Variants in MGST1 observed in about 807,000 individuals in gnomAD.
MGST1 encodes the protein glutathione S-transferase 12.
MGST1 carries 5 observed loss-of-function variants against 8.9 expected under a neutral mutation model. The observed-to-expected ratio is 0.56, with a 90% CI of 0.29 to 1.19. MGST1 has a LOEUF of 1.19. Ranked by LOEUF, MGST1 falls within the 50% of genes most tolerant of loss-of-function variation. The probability of loss-of-function intolerance (pLI) is 0.08; values close to 1 mark genes in which losing one functional copy is unlikely to be tolerated. For missense variants in MGST1, 182 were observed against 187.4 expected (o/e 0.97, Z 0.17); for synonymous variants, 54 against 67.8 (o/e 0.80, Z 1.00).
intron 1 of MGST1, among the ~76,000 whole-genome samples, chr12:16,416,967 A>G (rs1940792312): frequency 6.6e-6 from 1 of 152,182 alleles, no homozygotes; most frequent in African/African-American, 2.4e-5. Context: ...TAGCCAGTTA[A>G]AAATGGGCCA....
intron 4 of MGST1, among the ~76,000 whole-genome samples, chr12:16,509,660 A>G (rs1261210038): frequency 6.6e-6 from 1 of 152,188 alleles, no homozygotes; most frequent in Non-Finnish European, 1.5e-5. Flanking sequence ...GTATTTATCC[A>G]TGCCTGAGTG....
intron 4 of MGST1, among the ~76,000 whole-genome samples, chr12:16,486,117 A>G (rs1941397807): frequency 6.6e-6 from 1 of 152,164 alleles, no homozygotes; most frequent in East Asian, 1.9e-4. Flanking sequence ...GACCTCGCTG[A>G]GGCCTTTCCT....
At chr12:16,514,045 G>C in intron 4 of MGST1, 1 of 396,430 alleles carries the variant, frequency 2.5e-6, no homozygotes, top group African/African-American at 2.1e-5. Flanking sequence ...AGTGGACCCT[G>C]GTCCCAAGCA....
Position 16,559,975 on chromosome 12 carries a change from A to G in MGST1, n.483-29553A>G, listed in dbSNP as rs1942333402. Among the ~76,000 whole-genome samples, 1 of 152,038 alleles carries G rather than the reference A, an allele frequency of 6.6e-6. No individual in the cohort carries two copies. ...ACCTTGTATTTAAAAAAGCAAAAAC[A>G]AAAACATGAGGGATAAGGAATTTAA... On this transcript the variant is annotated intron_variant and non_coding_transcript_variant, in intron 4 of 4. Transcript: ENST00000538857. This position sits in a 1 kb window ranked among gnomAD's most constrained non-coding sequence, Gnocchi z 4.1.
chr12:16,579,069 C>T (rs1283383775), intron 4 of MGST1, among the ~76,000 whole-genome samples: 1 of 152,084 alleles, frequency 6.6e-6, no homozygotes, highest in East Asian at 1.9e-4. Flanking sequence ...CAAACACTCT[C>T]TAGAGCTTAG....
chr12:16,381,399 A>T (rs1940453063), downstream of MGST1, among the ~76,000 whole-genome samples: 1 of 152,092 alleles, frequency 6.6e-6, no homozygotes, highest in African/African-American at 2.4e-5. Context: ...TCACTTATGA[A>T]GCTTAGTTTG....
chr12:16,427,174 A>G (rs1449931293), intron 1 of MGST1, among the ~76,000 whole-genome samples: 1 of 152,030 alleles, frequency 6.6e-6, no homozygotes, highest in African/African-American at 2.4e-5. Flanking sequence ...GTTACGAAAA[A>G]CGATTTTAAG....
intron 4 of MGST1, among the ~76,000 whole-genome samples, chr12:16,520,318 CA>C (rs1941640746): frequency 6.6e-6 from 1 of 151,916 alleles, no homozygotes; most frequent in African/African-American, 2.4e-5. Context: ...TCTGAGTGTA[CA>C]AAAAACACTA....
chr12:16,377,194 G>A (rs1591711281), downstream of MGST1: 2 of 151,704 alleles, frequency 1.3e-5, no homozygotes, highest in East Asian at 1.9e-4. Flanking sequence ...TGTGCACAAC[G>A]TGCAGGTTTG....
chr12:16,570,525 TG>T (rs1942780044), intron 4 of MGST1, among the ~76,000 whole-genome samples: 1 of 152,142 alleles, frequency 6.6e-6, no homozygotes, highest in African/African-American at 2.4e-5. Flanking sequence ...TGTGAACAGT[TG>T]GGAAATAATC....
At chr12:16,499,665 C>T (rs1483162275) in intron 4 of MGST1, among the ~76,000 whole-genome samples, 8 of 151,840 alleles carry the variant, frequency 5.3e-5, no homozygotes, top group Admixed American at 5.3e-4. Context: ...CTCTCTACAC[C>T]ATTTGATTCG....
At chr12:16,358,317 T>C (rs1026077560) in intron 3 of MGST1, among the ~76,000 whole-genome samples, 1 of 152,142 alleles carries the variant, frequency 6.6e-6, no homozygotes, top group Non-Finnish European at 1.5e-5. Flanking sequence ...GTCCCCAAAA[T>C]CTATTGTTGC....
intron 4 of MGST1, among the ~76,000 whole-genome samples, chr12:16,535,912 G>C (rs1303341546): frequency 6.6e-6 from 1 of 152,160 alleles, no homozygotes; most frequent in African/African-American, 2.4e-5. Flanking sequence ...CTTATTCAGA[G>C]AACAGTTGAT....
chr12:16,583,699 C>T (rs1943235419), intron 4 of MGST1, among the ~76,000 whole-genome samples: 1 of 152,146 alleles, frequency 6.6e-6, no homozygotes, highest in African/African-American at 2.4e-5. Flanking sequence ...AATGCTTAAC[C>T]ACACTGTAGG....
intron 1 of MGST1, among the ~76,000 whole-genome samples, chr12:16,385,464 T>G (rs763456683): frequency 1.3e-5 from 2 of 152,186 alleles, no homozygotes; most frequent in Non-Finnish European, 1.5e-5. Context: ...TTATTACACA[T>G]AGAAATGGCA....
At chr12:16,365,743 G>GGA (rs1555096030), downstream of MGST1, among the ~76,000 whole-genome samples, 1 of 100,374 alleles carries the variant, frequency 1.0e-5, no homozygotes, top group African/African-American at 4.7e-5. Context: ...GCGTGCACGC[G>GGA]CACACACACA....
chr12:16,528,660 A>G (rs1392900219), intron 4 of MGST1, among the ~76,000 whole-genome samples: 1 of 152,042 alleles, frequency 6.6e-6, no homozygotes, highest in African/African-American at 2.4e-5. Context: ...AGGATGGTGG[A>G]GAGTATACAG....
chr12:16,493,955 G>T (rs1334737913), intron 4 of MGST1, among the ~76,000 whole-genome samples: 2 of 152,048 alleles, frequency 1.3e-5, no homozygotes, highest in East Asian at 3.9e-4. Context: ...GGGAGATTTA[G>T]TCCCTCAATC....
intron 1 of MGST1, among the ~76,000 whole-genome samples, chr12:16,388,873 TC>T (rs1475364732): frequency 1.3e-5 from 2 of 152,162 alleles, no homozygotes; most frequent in African/African-American, 4.8e-5. Flanking sequence ...ACTCTGTCCT[TC>T]CAGAACTCCT....
Sources: gnomAD v4.1 joint callset for allele counts (sites outside exome capture counted in the v4.1 genomes callset) on GRCh38, gnomAD v4.1.1 for gene constraint, Gnocchi (gnomAD v3.1) non-coding constraint, MANE v1.5 for transcripts, NCBI Gene and HGNC (gene_info 2026-07-23, HGNC 2026-07-21) for gene names.